RBMXL3: variants seen among roughly 807,000 people sequenced by gnomAD.
RBMXL3 encodes the protein RNA-binding motif protein, X-linked-like-3.
In RBMXL3, 2 loss-of-function variants were observed where a neutral mutation model predicts 0.8. The ratio of observed to expected loss-of-function variants is 2.54; its 90% CI spans 1.04 to 8.00. The LOEUF (loss-of-function observed/expected upper bound fraction) is 8.00. RBMXL3 is among the 30% of genes most tolerant of loss of function. RBMXL3 has a pLI of 0.04. For missense variants in RBMXL3, 1,127 were observed against 1,068.0 expected, an observed-to-expected ratio of 1.06 and a Z score of -0.77; for synonymous variants, 447 against 449.8, an observed-to-expected ratio of 0.99 and a Z score of 0.08.
At position 115,189,683 on chromosome X, in the gene RBMXL3, T is replaced by G. The variant is rs2072766043; in HGVS notation, c.242T>G (p.Val81Gly). The change falls in exon 1 of 1, where the codon GTG becomes GGG. Residue 81 changes from valine (V) to glycine (G), a missense_variant. By Grantham distance (109) the Val-to-Gly change is moderately radical (BLOSUM62 -3). Coordinates refer to ENST00000424776, the MANE Select transcript of RBMXL3 (RefSeq NM_001145346.2). ...TACCTGGATGGTAAGGCCATCATGG[T>G]GGCCCAGACCATCAAACCGGCATTC... The part of the protein sequence containing the change: ...GKYLDGKAIM[V>G]AQTIKPAFKS... 7 of 1,167,196 alleles carry G rather than the reference T, an allele frequency of 6.0e-6. No homozygotes were observed. Among genetic ancestry groups the G allele is most frequent in the Non-Finnish European group, 6.9e-6 (6 of 873,058 alleles).
chrX:115,191,753 A>G lies in RBMXL3; in HGVS notation c.2312A>G (p.His771Arg), dbSNP rs868933701. ...GGCCATGACAGTTCCAGCCGGAGCC[A>G]CCGCTACGGAGGAGGAGGCCGCTAC... ...SGGHDSSSRSHRYGGGGRYEE... is the reference protein window; with the variant it reads ...SGGHDSSSRSRRYGGGGRYEE... The change falls in exon 1 of 1, where the codon CAC becomes CGC. Residue 771 changes from histidine (H) to arginine (R), a missense_variant. His to Arg is a conservative substitution (Grantham distance 29). Transcript: ENST00000424776. 7 of 1,162,443 alleles carry G rather than the reference A, an allele frequency of 6.0e-6. No homozygotes were observed. The highest frequency in any genetic ancestry group is 8.0e-6 in the Non-Finnish European group (7 of 871,731).
chrX:115,189,921 AC>A lies in RBMXL3; in HGVS notation c.484del (p.His162ThrfsTer114). 2.6e-6 allele frequency: 3 copies of A among 1,156,969 alleles called. No individual in the cohort carries two copies. Among genetic ancestry groups the A allele is most frequent in the Non-Finnish European group, 3.5e-6 (3 of 867,378 alleles). On this transcript the variant is annotated frameshift_variant, in exon 1 of 1. Transcript: ENST00000424776. LOFTEE classifies it low-confidence loss of function (END_TRUNC). ...GPPPRHWASPPHKRATPSSLA... is the reference protein window; with the variant it reads ...GPPPRHWASPXHKRATPSSLA... ...CGCCACCGCGGCACTGGGCCAGCCC[AC>A]CCCACAAGAGGGCCACGCCGTCGAG...
In RBMXL3 at chrX:115,189,726, C is replaced by G; in HGVS notation, c.285C>G (p.Val95=). The change falls in exon 1 of 1, where the codon GTC becomes GTG. Residue 95 remains valine (V), a synonymous_variant. Coordinates refer to ENST00000424776, the MANE Select transcript of RBMXL3 (RefSeq NM_001145346.2). ...CGGCATTCAAGAGCAGCCGATGGGTCCCGCCAACCCCCGGCAGCGGCAGTC... is the reference window on the plus strand; with the variant it reads ...CGGCATTCAAGAGCAGCCGATGGGTGCCGCCAACCCCCGGCAGCGGCAGTC... ...IKPAFKSSRW[V]PPTPGSGSRS... The G allele has an allele frequency of 1.7e-6, 2 of 1,166,667 alleles. No individual in the cohort carries two copies. The highest frequency in any genetic ancestry group is 1.8e-5 in the African/African-American group (1 of 56,515).
rs782652372 is a variant in RBMXL3, at chrX:115,191,949, C to T, written c.2508C>T (p.Asn836=). 77 of 1,164,505 alleles carry T rather than the reference C, an allele frequency of 6.6e-5. No homozygotes were observed. The Middle Eastern group carries it at 9.2e-4, about 14-fold the overall frequency. Residue 836 remains asparagine (N), a synonymous_variant, in exon 1 of 1, where the codon AAC becomes AAT. Coordinates refer to ENST00000424776, the MANE Select transcript of RBMXL3 (RefSeq NM_001145346.2). ...CCAACAGCGGAGGCCACTCACCCAACGCCTACAGTGGGGGCCGTGACAGTT... is the reference window on the plus strand; with the variant it reads ...CCAACAGCGGAGGCCACTCACCCAATGCCTACAGTGGGGGCCGTGACAGTT... ...LDANSGGHSP[N]AYSGGRDSSS... is the part of the protein sequence containing the mutation.
At position 115,192,153 on chromosome X, in the gene RBMXL3, T is replaced by A; in HGVS notation, c.2712T>A (p.Ser904Arg). 1 of 1,159,670 alleles carries A rather than the reference T, an allele frequency of 8.6e-7. No individual in the cohort carries two copies. Among genetic ancestry groups the A allele is most frequent in the Non-Finnish European group, 1.1e-6 (1 of 870,746 alleles). ...RDSFSNSYGRSDHYGRGGCYE... is the reference protein window; with the variant it reads ...RDSFSNSYGRRDHYGRGGCYE... ...GTTTCAGCAACAGCTATGGCCGGAG[T>A]GACCATTACGGAAGAGGAGGCTGCT... is the stretch of plus-strand genomic sequence containing the variant. Residue 904 changes from serine (S) to arginine (R), a missense_variant, in exon 1 of 1, where the codon AGT becomes AGA. Ser to Arg is a moderately radical substitution (Grantham distance 110). Coordinates refer to ENST00000424776, the MANE Select transcript of RBMXL3 (RefSeq NM_001145346.2).
At position 115,192,619 on chromosome X, in the gene RBMXL3, A is replaced by G. The variant is rs781996386; in HGVS notation, c.3178A>G (p.Arg1060Gly). 3 of 1,170,404 alleles carry G rather than the reference A, an allele frequency of 2.6e-6. No individual in the cohort carries two copies. Among genetic ancestry groups the G allele is most frequent in the Non-Finnish European group, 1.1e-6 (1 of 874,366 alleles). ...AGGCCGTCAAGGAGGCCGCTTCGAG[A>G]GGGGGGAAGGCCGGAGCAGATACTA... is the stretch of plus-strand genomic sequence containing the variant. The part of the protein sequence containing the change: ...GGGRQGGRFE[R>G]GEGRSRY Residue 1060 changes from arginine to glycine, a missense_variant, in exon 1 of 1, where the codon AGG (arginine) becomes GGG (glycine). By Grantham distance (125) the Arg-to-Gly change is moderately radical. Transcript: ENST00000424776.
rs371644998 is a variant in RBMXL3 at position 115,191,841 on chromosome X, C to T, written c.2400C>T (p.Ser800=). 75 of 1,144,647 alleles carry T rather than the reference C, an allele frequency of 6.6e-5. No individual in the cohort carries two copies. Among genetic ancestry groups the T allele is most frequent in the African/African-American group, 3.2e-4 (17 of 53,230 alleles). 94.3% of individuals were successfully genotyped at this position (1,144,647 alleles called of 1,213,427 possible). A position where few individuals can be genotyped will look rare whatever the true frequency, so the allele number is the denominator to read the frequency against. ...NSGGRSPNAY[S]GGHNSSSRND... is the part of the protein sequence containing the mutation. The stretch of plus-strand genomic sequence containing the variant: ...GAGGCCGCTCACCCAATGCCTACAG[C>T]GGGGGCCACAACAGTTCCAGCCGGA... The change falls in exon 1 of 1, where the codon AGC becomes AGT. Residue 800 remains serine (S), a synonymous_variant. Coordinates refer to ENST00000424776, the MANE Select transcript of RBMXL3 (RefSeq NM_001145346.2).
In RBMXL3 at chrX:115,192,456, C is replaced by G; in HGVS notation, c.3015C>G (p.Tyr1005Ter). The G allele has an allele frequency of 7.7e-6, 9 of 1,168,877 alleles. No individual in the cohort carries two copies. The highest frequency in any genetic ancestry group is 1.0e-5 in the Non-Finnish European group (9 of 873,546). ...SGDHDRSSNS[Y>*]GRSDRYSRGR... ...ACCACGACAGATCCAGCAACAGTTA[C>G]GGCCGGAGCGACCGCTACTCGAGGG... The change falls in exon 1 of 1, where the codon TAC becomes TAG. Residue 1005 changes from tyrosine (Y) to a stop codon, truncating the protein, a stop_gained. Coordinates refer to ENST00000424776, the MANE Select transcript of RBMXL3 (RefSeq NM_001145346.2). LOFTEE classifies it high-confidence loss of function.
At position 115,191,865 on chromosome X, in the gene RBMXL3, G is replaced by T; in HGVS notation, c.2424G>T (p.Arg808=). The T allele has an allele frequency of 2.6e-6, 3 of 1,156,261 alleles. No homozygotes were observed. Among genetic ancestry groups the T allele is most frequent in the Non-Finnish European group, 3.5e-6 (3 of 868,943 alleles). ...GCGGGGGCCACAACAGTTCCAGCCG[G>T]AACGACCCCTGCAGAGGAGGAGGCC... is the stretch of plus-strand genomic sequence containing the variant. ...AYSGGHNSSS[R]NDPCRGGGRY... is the part of the protein sequence containing the mutation. The change falls in exon 1 of 1, where the codon CGG becomes CGT. Residue 808 remains arginine, a synonymous_variant. Coordinates refer to ENST00000424776, the MANE Select transcript of RBMXL3 (RefSeq NM_001145346.2).
In RBMXL3 at chrX:115,190,847, G is replaced by A; in HGVS notation, c.1406G>A (p.Gly469Asp). The A allele has an allele frequency of 4.3e-6, 5 of 1,154,858 alleles. No homozygotes were observed. The highest frequency in any genetic ancestry group is 5.8e-6 in the Non-Finnish European group (5 of 865,715). Residue 469 changes from glycine (G) to aspartate (D), a missense_variant, in exon 1 of 1, where the codon GGC becomes GAC. Gly to Asp is a moderately conservative substitution (Grantham distance 94). Coordinates refer to ENST00000424776, the MANE Select transcript of RBMXL3 (RefSeq NM_001145346.2). ...TGGAGCGACTGCTGCGGAGGAGGAG[G>A]CCGTTATGAGGAGTACCAAGGCCGC... Reference protein sequence around the residue: ...SSWSDCCGGGGRYEEYQGRSL... With the variant: ...SSWSDCCGGGDRYEEYQGRSL...
rs782460142 is a variant in RBMXL3, at chrX:115,192,221, G to A, written c.2780G>A (p.Gly927Asp). ...QGRSPNAYGGGRGLNSSNNSH... is the reference protein window; with the variant it reads ...QGRSPNAYGGDRGLNSSNNSH... ...CGCTCGCCCAATGCCTACGGCGGGGGCCGCGGCCTCAACAGTTCCAACAAC... is the reference window on the plus strand; with the variant it reads ...CGCTCGCCCAATGCCTACGGCGGGGACCGCGGCCTCAACAGTTCCAACAAC... The change falls in exon 1 of 1, where the codon GGC (glycine) becomes GAC (aspartate). Residue 927 changes from glycine (G) to aspartate (D), a missense_variant. Coordinates refer to ENST00000424776, the MANE Select transcript of RBMXL3 (RefSeq NM_001145346.2). 8.4e-5 allele frequency: 98 copies of A among 1,162,233 alleles called. No individual in the cohort carries two copies. In the South Asian group the frequency reaches 1.6e-3, roughly 19 times the overall value.
At position 115,191,200 on chromosome X, in the gene RBMXL3, G is replaced by T. The variant is rs199555424; in HGVS notation, c.1759G>T (p.Gly587Ter). 1 of 1,159,320 alleles carries T rather than the reference G, an allele frequency of 8.6e-7. No homozygotes were observed. Among genetic ancestry groups the T allele is most frequent in the East Asian group, 3.3e-5 (1 of 30,102 alleles). The change falls in exon 1 of 1, where the codon GGA becomes TGA. Residue 587 changes from glycine to a stop codon, truncating the protein, a stop_gained. Coordinates refer to ENST00000424776, the MANE Select transcript of RBMXL3 (RefSeq NM_001145346.2). LOFTEE classifies it low-confidence loss of function (END_TRUNC). ...TTCCAGCCAGAGCAACCGCTACGGAGGAGGAGGCTGCTACGAGGAGTACCG... is the reference window on the plus strand; with the variant it reads ...TTCCAGCCAGAGCAACCGCTACGGATGAGGAGGCTGCTACGAGGAGTACCG... ...DSSSQSNRYG[G>*]GGCYEEYRGR...
rs781812129 is a variant in RBMXL3, at chrX:115,190,781, G to T, written c.1340G>T (p.Arg447Leu). 4.3e-6 allele frequency: 5 copies of T among 1,164,997 alleles called. No individual in the cohort carries two copies. The highest frequency in any genetic ancestry group is 5.7e-6 in the Non-Finnish European group (5 of 872,275). Residue 447 changes from arginine (R) to leucine (L), a missense_variant, in exon 1 of 1, where the codon CGG becomes CTG. Transcript: ENST00000424776. Reference protein sequence around the residue: ...GRSTDAHSRGRSDDAYSGGHD... With the variant: ...GRSTDAHSRGLSDDAYSGGHD... The stretch of plus-strand genomic sequence containing the variant: ...TCCACTGATGCCCACAGCAGGGGCC[G>T]GTCCGACGACGCCTACAGTGGGGGC...
rs782116436 is a variant in RBMXL3, at chrX:115,190,629, G to GCCCAACGCCCACAGCGGAGGCCGCTCA, written c.1191_1192insAACGCCCACAGCGGAGGCCGCTCACCC (p.Pro397_Asp398insAsnAlaHisSerGlyGlyArgSerPro). 6.3e-3 allele frequency: 7,274 copies of GCCCAACGCCCACAGCGGAGGCCGCTCA among 1,156,555 alleles called. 22 individuals carry two copies. Among genetic ancestry groups the GCCCAACGCCCACAGCGGAGGCCGCTCA allele is most frequent in the Non-Finnish European group, 7.1e-3 (6,169 of 865,258 alleles). ...GCTACGAGGAGTACAGAGGCCGCTCGCCCGACGCCCACAGCGGGGGCCGCA... is the reference window on the plus strand; with the variant it reads ...GCTACGAGGAGTACAGAGGCCGCTCGCCCAACGCCCACAGCGGAGGCCGCTCACCCGACGCCCACAGCGGGGGCCGCA... On this transcript the variant is annotated inframe_insertion, in exon 1 of 1. Coordinates refer to ENST00000424776, the MANE Select transcript of RBMXL3 (RefSeq NM_001145346.2).
rs781886594 is a variant in RBMXL3 at position 115,189,588 on chromosome X, G to A, written c.147G>A (p.Arg49=). 39 of 1,169,864 alleles carry A rather than the reference G, an allele frequency of 3.3e-5. No individual in the cohort carries two copies. Among genetic ancestry groups the A allele is most frequent in the Non-Finnish European group, 4.3e-5 (38 of 874,345 alleles). ...LMKDRKTNKS[R]GFAFVTFESP... ...AAGACCGAAAAACCAACAAGTCGAG[G>A]GGCTTCGCGTTCGTCACCTTCGAAA... Residue 49 remains arginine, a synonymous_variant, in exon 1 of 1, where the codon AGG becomes AGA. Transcript: ENST00000424776.
At position 115,190,075 on chromosome X, in the gene RBMXL3, A is replaced by G. The variant is rs782379096; in HGVS notation, c.634A>G (p.Ser212Gly). The G allele has an allele frequency of 1.4e-5, 16 of 1,153,102 alleles. No homozygotes were observed. The South Asian group carries it at 2.5e-4, about 18-fold the overall frequency. The change falls in exon 1 of 1, where the codon AGC (serine) becomes GGC (glycine). Residue 212 changes from serine (S) to glycine (G), a missense_variant. Ser to Gly is a moderately conservative substitution (Grantham distance 56). Transcript: ENST00000424776. ...CCACAAGAGGGCTGTGCCCCGGTCA[A>G]GCCTGGCTCGCATTGGCGGCAGTGG... ...PPHKRAVPRS[S>G]LARIGGSGMP...
chrX:115,190,472 G>C lies in RBMXL3; in HGVS notation c.1031G>C (p.Arg344Pro). The C allele has an allele frequency of 8.6e-7, 1 of 1,167,472 alleles. No individual in the cohort carries two copies. Among genetic ancestry groups the C allele is most frequent in the Non-Finnish European group, 1.1e-6 (1 of 872,933 alleles). The change falls in exon 1 of 1, where the codon CGC becomes CCC. Residue 344 changes from arginine (R) to proline (P), a missense_variant. Coordinates refer to ENST00000424776, the MANE Select transcript of RBMXL3 (RefSeq NM_001145346.2). ...TCGCCCGATGCCTGCAGTGAAGGCC[G>C]CTCGTCCGAGGCCTTGCCAGTCGTC... ...GNSPDACSEG[R>P]SSEALPVVLP... is the part of the protein sequence containing the mutation.
At position 115,190,157 on chromosome X, in the gene RBMXL3, TCCGGGAGCCACTGCCC is replaced by T. The variant is rs1556556864; in HGVS notation, c.720_735del (p.Glu241AlafsTer30). On this transcript the variant is annotated frameshift_variant, in exon 1 of 1. Transcript: ENST00000424776. LOFTEE classifies it low-confidence loss of function (END_TRUNC). Reference sequence around the variant, plus strand: ...CAAGATGGCTACTCAGGCCCGCGGGTCCGGGAGCCACTGCCCCCGTGCCGCGACCCTGGGGATTTTG... The same window carrying T: ...CAAGATGGCTACTCAGGCCCGCGGGTCCGTGCCGCGACCCTGGGGATTTTG... 8.6e-7 allele frequency: 1 copy of T among 1,164,224 alleles called. No individual in the cohort carries two copies. The highest frequency in any genetic ancestry group is 1.1e-6 in the Non-Finnish European group (1 of 871,401).
At position 115,189,716 on chromosome X, in the gene RBMXL3, G is replaced by A. The variant is rs947988451; in HGVS notation, c.275G>A (p.Ser92Asn). 68 of 1,166,472 alleles carry A rather than the reference G, an allele frequency of 5.8e-5. No individual in the cohort carries two copies. Among genetic ancestry groups the A allele is most frequent in the Admixed American group, 1.8e-4 (7 of 38,770 alleles). ...ACCATCAAACCGGCATTCAAGAGCA[G>A]CCGATGGGTCCCGCCAACCCCCGGC... is the stretch of plus-strand genomic sequence containing the variant. ...AQTIKPAFKS[S>N]RWVPPTPGSG... The change falls in exon 1 of 1, where the codon AGC becomes AAC. Residue 92 changes from serine to asparagine, a missense_variant. Coordinates refer to ENST00000424776, the MANE Select transcript of RBMXL3 (RefSeq NM_001145346.2).
Sources: gnomAD v4.1 joint callset for allele counts on GRCh38, gnomAD v4.1.1 for gene constraint, MANE v1.5 for transcripts, NCBI Gene and HGNC (gene_info 2026-07-23, HGNC 2026-07-21) for gene names.